Variants in ITPRID1 observed in about 807,000 individuals in gnomAD.
The protein encoded by ITPRID1 is ITPR interacting domain containing 1.
A neutral mutation model predicts 95.4 loss-of-function variants in ITPRID1; 96 were observed. The observed-to-expected ratio is 1.01, with a 90% CI of 0.85 to 1.19. The LOEUF is 1.19. ITPRID1 is among the 50% of genes most tolerant of loss of function. The pLI is 0.00. For synonymous variants in ITPRID1, 510 were observed against 453.6 expected, an observed-to-expected ratio of 1.12 and a Z score of -1.58; for missense variants, 1,339 against 1,252.9, an observed-to-expected ratio of 1.07 and a Z score of -1.04.
chr7:31,574,614 A>G lies in ITPRID1; in HGVS notation c.470A>G (p.Glu157Gly). ...TTGGATCTGGGGTTTGGTGCTGATG[A>G]GCCAGACATCTGCATGCAAATCCCA... ...ILLDLGFGADEPDICMQIPAR... is the reference protein window; with the variant it reads ...ILLDLGFGADGPDICMQIPAR... Residue 157 changes from glutamate to glycine, a missense_variant, in exon 8 of 15, where the codon GAG (glutamate) becomes GGG (glycine). Physicochemically the swap from Glu to Gly is moderately conservative, Grantham distance 98. Coordinates refer to ENST00000615280, the MANE Select transcript of ITPRID1 (RefSeq NM_001257967.3). 6.2e-7 allele frequency: 1 copy of G among 1,613,918 alleles called. No individual in the cohort carries two copies. The highest frequency in any genetic ancestry group is 8.5e-7 in the Non-Finnish European group (1 of 1,179,826).
intron 1 of ITPRID1, chr7:31,529,693 G>C (rs1783532592): frequency 2.3e-5 from 30 of 1,305,104 alleles, no homozygotes; most frequent in Non-Finnish European, 3.2e-5. Context: ...GCAGTCACAA[G>C]GGCTTTGTAG....
At chr7:31,588,225 G>C (rs1356012223) in intron 10 of ITPRID1, among the ~76,000 whole-genome samples, 2 of 152,102 alleles carry the variant, frequency 1.3e-5, no homozygotes, top group Non-Finnish European at 2.9e-5. Context: ...AGAGTGGAGG[G>C]AGTTTCAACA....
intron 10 of ITPRID1, among the ~76,000 whole-genome samples, chr7:31,594,371 G>T (rs1785990081): frequency 6.6e-6 from 1 of 152,182 alleles, no homozygotes; most frequent in Non-Finnish European, 1.5e-5. Context: ...TGGGGGAAAG[G>T]CATGCACAGA....
intron 10 of ITPRID1, among the ~76,000 whole-genome samples, chr7:31,632,722 C>T (rs931319288): frequency 5.3e-5 from 8 of 152,070 alleles, no homozygotes; most frequent in African/African-American, 1.4e-4. Context: ...TTGGTCAGAC[C>T]GTCATCCCTA....
rs2128222191 is a variant in ITPRID1 at position 31,654,326 on chromosome 7, T to C, written c.*1497T>C. Among the ~76,000 whole-genome samples, 1 of 152,220 alleles carries C rather than the reference T, an allele frequency of 6.6e-6. No individual in the cohort carries two copies. The highest frequency in any genetic ancestry group is 1.5e-5 in the Non-Finnish European group (1 of 67,998). On this transcript the variant is annotated 3_prime_UTR_variant, in exon 15 of 15. Transcript: ENST00000615280. ...CAGATGTAGAGATAGCCAGTGCTGC[T>C]CAGTGCGGTGGGGCATGGAGATGGA...
At chr7:31,644,587 C>T (rs1583719627) in intron 12 of ITPRID1, among the ~76,000 whole-genome samples, 1 of 152,290 alleles carries the variant, frequency 6.6e-6, no homozygotes, top group Non-Finnish European at 1.5e-5. Context: ...TTTTGGTCTA[C>T]CTTTGCTGAG....
In ITPRID1 at chr7:31,539,826, G is replaced by T. The variant is rs997760781; in HGVS notation, c.-97-9600G>T. Among the ~76,000 whole-genome samples, 11 of 152,116 alleles carry T rather than the reference G, an allele frequency of 7.2e-5. No homozygotes were observed. The East Asian group carries it at 9.7e-4, about 13-fold the overall frequency. On this transcript the variant is annotated intron_variant, in intron 1 of 14. Transcript: ENST00000615280. Reference sequence around the variant, plus strand: ...TTTATTGAAGCACTGGAATGTCTCTGGTTGAAGGGGAGGTTATCTTGGGGC... The same window carrying T: ...TTTATTGAAGCACTGGAATGTCTCTTGTTGAAGGGGAGGTTATCTTGGGGC...
chr7:31,649,643 A>G (rs2128218399), intron 12 of ITPRID1, among the ~76,000 whole-genome samples: 1 of 152,302 alleles, frequency 6.6e-6, no homozygotes, highest in East Asian at 1.9e-4. Context: ...GGTCTGATAG[A>G]GATGGCTTTA....
At chr7:31,555,837 TA>T (rs1270573965) in intron 5 of ITPRID1, among the ~76,000 whole-genome samples, 1 of 152,240 alleles carries the variant, frequency 6.6e-6, no homozygotes. Context: ...ATTTTTTTAC[TA>T]CTTTTAAAAG....
chr7:31,606,687 T>C (rs1786641153), intron 10 of ITPRID1, among the ~76,000 whole-genome samples: 3 of 152,188 alleles, frequency 2.0e-5, no homozygotes, highest in Admixed American at 2.0e-4. Flanking sequence ...TCAAATATTA[T>C]ATCAACTGGA....
intron 10 of ITPRID1, among the ~76,000 whole-genome samples, chr7:31,627,217 C>T (rs1024900494): frequency 6.6e-6 from 1 of 152,122 alleles, no homozygotes; most frequent in Middle Eastern, 3.2e-3. Context: ...GCCAATCAAT[C>T]AGTAAATGAT....
chr7:31,651,160 G>A lies in ITPRID1; in HGVS notation c.2602G>A (p.Glu868Lys), dbSNP rs1405509762. ...ELCSCTVHEM[E>K]AMKTICQSFR... ...TTCTCAGTGCACAGTCCATGAGATG[G>A]AAGCCATGAAGACGATATGCCAAAG... Residue 868 changes from glutamate to lysine, a missense_variant, in exon 13 of 15, where the codon GAA becomes AAA. By Grantham distance (56) the Glu-to-Lys change is moderately conservative. Coordinates refer to ENST00000615280, the MANE Select transcript of ITPRID1 (RefSeq NM_001257967.3). 1 of 1,613,480 alleles carries A rather than the reference G, an allele frequency of 6.2e-7. No individual in the cohort carries two copies. The highest frequency in any genetic ancestry group is 1.3e-5 in the African/African-American group (1 of 75,018).
At chr7:31,526,019 C>T (rs1442550252) in intron 1 of ITPRID1, among the ~76,000 whole-genome samples, 3 of 152,164 alleles carry the variant, frequency 2.0e-5, no homozygotes, top group Admixed American at 2.0e-4. Context: ...GAAAAGCTTA[C>T]CTTCAGCTCT....
intron 1 of ITPRID1, among the ~76,000 whole-genome samples, chr7:31,516,318 T>C (rs1479786741): frequency 3.9e-5 from 6 of 152,192 alleles, no homozygotes; most frequent in Non-Finnish European, 8.8e-5. Flanking sequence ...CTGGGAAATA[T>C]GGAAAATATT....
At position 31,620,391 on chromosome 7, in the gene ITPRID1, G is replaced by A. The variant is rs1388993981; in HGVS notation, c.1229-21785G>A. Among the ~76,000 whole-genome samples, 25 of 151,876 alleles carry A rather than the reference G, an allele frequency of 1.6e-4. No individual in the cohort carries two copies. The East Asian group carries it at 2.5e-3, about 15-fold the overall frequency. On this transcript the variant is annotated intron_variant, in intron 10 of 14. Coordinates refer to ENST00000615280, the MANE Select transcript of ITPRID1 (RefSeq NM_001257967.3). ...GGGCAGATTGACACCTCACACGGCC[G>A]GGTACTCCTCTGAGACAAAACTTCC...
chr7:31,579,242 G>A (rs1785309020), intron 9 of ITPRID1, among the ~76,000 whole-genome samples: 1 of 152,054 alleles, frequency 6.6e-6, no homozygotes, highest in African/African-American at 2.4e-5. Context: ...CATAATGGCA[G>A]CTAGGATTGG....
At chr7:31,636,770 C>T (rs6943944) in intron 10 of ITPRID1, among the ~76,000 whole-genome samples, 108,633 of 151,324 alleles carry the variant, frequency 0.72, 39,647 homozygotes, top group East Asian at 0.83. Context: ...GGTACATGTG[C>T]GTAATGTGCA....
intron 10 of ITPRID1, among the ~76,000 whole-genome samples, chr7:31,598,565 G>C (rs930929100): frequency 8.6e-5 from 13 of 151,644 alleles, no homozygotes; most frequent in African/African-American, 2.7e-4. Flanking sequence ...TACCACGCCC[G>C]GCTACTTTTT....
At chr7:31,616,068 T>C (rs1176633804) in intron 10 of ITPRID1, among the ~76,000 whole-genome samples, 1 of 152,126 alleles carries the variant, frequency 6.6e-6, no homozygotes, top group Non-Finnish European at 1.5e-5. Flanking sequence ...TCTAATTCCG[T>C]TTTCTGTTAA....
Sources: gnomAD v4.1 joint callset for allele counts (sites outside exome capture counted in the v4.1 genomes callset) on GRCh38, gnomAD v4.1.1 for gene constraint, MANE v1.5 for transcripts, NCBI Gene and HGNC (gene_info 2026-07-23, HGNC 2026-07-21) for gene names.